The following BICD1 variants were observed in gnomAD, a reference collection of about 807,000 sequenced individuals.
BICD1 encodes the protein protein bicaudal D homolog 1.
A neutral mutation model predicts 92.5 loss-of-function variants in BICD1; 35 were observed. That is an observed-to-expected ratio of 0.38 (90% CI 0.29 to 0.50). The LOEUF (loss-of-function observed/expected upper bound fraction) is 0.50, where lower values mean the gene tolerates loss of function less well. BICD1 is among the 20% of genes least tolerant of loss of function. BICD1 has a pLI of 0.93. For synonymous variants in BICD1, 429 were observed against 465.1 expected, an observed-to-expected ratio of 0.92 and a Z score of 1.00; for missense variants, 950 against 1,189.8, an observed-to-expected ratio of 0.80 and a Z score of 2.97.
At chr12:32,317,230 G>A (rs1376481426) in intron 4 of BICD1, among the ~76,000 whole-genome samples, 1 of 152,176 alleles carries the variant, frequency 6.6e-6, no homozygotes, top group Non-Finnish European at 1.5e-5. Flanking sequence ...CCAGTAATGG[G>A]ATGGCTGGGT....
chr12:32,163,886 T>G (rs1280939219), intron 1 of BICD1, among the ~76,000 whole-genome samples: 1 of 152,222 alleles, frequency 6.6e-6, no homozygotes, highest in African/African-American at 2.4e-5. Flanking sequence ...TTCACATGTG[T>G]AAGAGATGTT....
At chr12:32,124,759 C>T (rs1942269634) in intron 1 of BICD1, among the ~76,000 whole-genome samples, 1 of 151,902 alleles carries the variant, frequency 6.6e-6, no homozygotes, top group African/African-American at 2.4e-5. Flanking sequence ...AGAGGGAAGG[C>T]TGGAGAGAGT....
rs1471868233 is a variant in BICD1 at position 32,381,903 on chromosome 12, T to C, written c.*4276T>C. 1 of 152,128 alleles carries C rather than the reference T, an allele frequency of 6.6e-6. No individual in the cohort carries two copies. The highest frequency in any genetic ancestry group is 2.4e-5 in the African/African-American group (1 of 41,436). 9.4% of individuals were successfully genotyped at this position (152,128 alleles called of 1,614,324 possible). A position where few individuals can be genotyped will look rare whatever the true frequency, so the allele number is the denominator to read the frequency against. ...AGGCTGCAAAAAATGTACAAGAGTA[T>C]GTTTTCAAGTAAAGGGAACATAATT... On this transcript the variant is annotated 3_prime_UTR_variant, in exon 10 of 10. Transcript: ENST00000652176.
intron 1 of BICD1, among the ~76,000 whole-genome samples, chr12:32,196,382 A>C (rs569602520): frequency 6.6e-6 from 1 of 152,334 alleles, no homozygotes; most frequent in South Asian, 2.1e-4. Context: ...GAAACAACCT[A>C]AGTATCTGTC....
intron 2 of BICD1, among the ~76,000 whole-genome samples, chr12:32,286,547 T>C (rs1435857023): frequency 1.3e-5 from 2 of 152,218 alleles, no homozygotes; most frequent in East Asian, 3.8e-4. Flanking sequence ...CACACTATGC[T>C]GCAAGTATTG....
intron 4 of BICD1, among the ~76,000 whole-genome samples, chr12:32,311,759 A>G (rs1948387463): frequency 6.6e-6 from 1 of 152,224 alleles, no homozygotes; most frequent in African/African-American, 2.4e-5. Context: ...TATTGCACTT[A>G]GAAGGGTGCC....
chr12:32,118,648 A>T (rs888592837), intron 1 of BICD1, among the ~76,000 whole-genome samples: 2 of 152,168 alleles, frequency 1.3e-5, no homozygotes, highest in African/African-American at 4.8e-5. Context: ...TTACATGCAA[A>T]TACTACACTA....
At chr12:32,113,673 A>G (rs1046255469) in intron 1 of BICD1, among the ~76,000 whole-genome samples, 1 of 149,952 alleles carries the variant, frequency 6.7e-6, no homozygotes. Context: ...CCTCCCAAGT[A>G]ACTGGGACTA....
At chr12:32,134,643 C>T (rs903233398) in intron 1 of BICD1, among the ~76,000 whole-genome samples, 27 of 152,126 alleles carry the variant, frequency 1.8e-4, no homozygotes, top group Non-Finnish European at 3.4e-4. Context: ...TTTTCAGCAC[C>T]GCGACTCTGT....
At position 32,382,067 on chromosome 12, in the gene BICD1, T is replaced by A. The variant is rs1038763214; in HGVS notation, c.*4440T>A. The A allele has an allele frequency of 1.3e-5, 2 of 152,258 alleles. No individual in the cohort carries two copies. Among genetic ancestry groups the A allele is most frequent in the East Asian group, 3.9e-4 (2 of 5,182 alleles). 9.4% of individuals were successfully genotyped at this position (152,258 alleles called of 1,614,324 possible). On this transcript the variant is annotated 3_prime_UTR_variant, in exon 10 of 10. Transcript: ENST00000652176. The stretch of plus-strand genomic sequence containing the variant: ...TCAATCTAGCTCCCGAGTGACATTT[T>A]CCATTGTCTGTAATAATGCCCTCGG...
intron 2 of BICD1, among the ~76,000 whole-genome samples, chr12:32,278,282 T>C (rs944608516): frequency 1.3e-5 from 2 of 152,184 alleles, no homozygotes; most frequent in Non-Finnish European, 2.9e-5. Context: ...TTCATAGTTA[T>C]AAGAAGATAT....
At chr12:32,255,144 C>T (rs554945820) in intron 2 of BICD1, among the ~76,000 whole-genome samples, 3 of 152,214 alleles carry the variant, frequency 2.0e-5, no homozygotes, top group South Asian at 2.1e-4. Flanking sequence ...TGCATCCTCA[C>T]GTGACTTTTC....
chr12:32,259,362 G>A (rs1946799251), intron 2 of BICD1, among the ~76,000 whole-genome samples: 1 of 152,136 alleles, frequency 6.6e-6, no homozygotes, highest in Non-Finnish European at 1.5e-5. Flanking sequence ...ATAAATAAAG[G>A]ATTATTGGAA....
chr12:32,254,009 A>G (rs981977180), intron 2 of BICD1, among the ~76,000 whole-genome samples: 2 of 147,822 alleles, frequency 1.4e-5, no homozygotes, highest in African/African-American at 5.0e-5. Flanking sequence ...TCATTGCGGT[A>G]TCCCACCTGC....
rs77053794 is a variant in BICD1 at position 32,310,954 on chromosome 12, C to G, written c.1005+4832C>G. ...CTTCTCCTACAAGGCTCAATGTATG[C>G]CCATGATTTATGTTTTCCCATCCAT... On this transcript the variant is annotated intron_variant, in intron 4 of 9. Transcript: ENST00000652176. 6.2e-3 allele frequency among the ~76,000 whole-genome samples: 942 copies of G among 152,206 alleles called. 10 individuals are homozygous for G. The highest frequency in any genetic ancestry group is 0.022 in the African/African-American group (904 of 41,516).
chr12:32,334,541 T>C lies in BICD1; in HGVS notation c.2126T>C (p.Leu709Pro). ...KQTAEVALAN[L>P]KNKYENEKAM... Reference sequence around the variant, plus strand: ...ACAGCTGAGGTGGCGCTAGCTAATCTCAAGAACAAATATGAAAATGAAAAA... The same window carrying C: ...ACAGCTGAGGTGGCGCTAGCTAATCCCAAGAACAAATATGAAAATGAAAAA... Residue 709 changes from leucine (L) to proline (P), a missense_variant, in exon 6 of 10, where the codon CTC becomes CCC. Coordinates refer to ENST00000652176, the MANE Select transcript of BICD1 (RefSeq NM_001714.4). 6.2e-7 allele frequency: 1 copy of C among 1,611,092 alleles called. No homozygotes were observed.
intron 1 of BICD1, among the ~76,000 whole-genome samples, chr12:32,191,488 TC>T (rs752721768): frequency 2.6e-5 from 4 of 151,256 alleles, no homozygotes; most frequent in Non-Finnish European, 5.9e-5. Flanking sequence ...GCAACGTTTT[TC>T]CCGCATGTGC....
Position 32,107,356 on chromosome 12 carries a change from A to T in BICD1, c.25A>T (p.Thr9Ser), listed in dbSNP as rs1404869249. The T allele has an allele frequency of 4.4e-6, 7 of 1,607,826 alleles. No individual in the cohort carries two copies. Among genetic ancestry groups the T allele is most frequent in the African/African-American group, 1.3e-5 (1 of 74,872 alleles). Reference sequence around the variant, plus strand: ...TATGGCCGCAGAAGAGGTATTGCAGACGGTGGACCATTATAAGACTGAGAT... The same window carrying T: ...TATGGCCGCAGAAGAGGTATTGCAGTCGGTGGACCATTATAAGACTGAGAT... MAAEEVLQ[T>S]VDHYKTEIER... Residue 9 changes from threonine (T) to serine (S), a missense_variant, in exon 1 of 10, where the codon ACG (threonine) becomes TCG (serine). Physicochemically the swap from Thr to Ser is moderately conservative, Grantham distance 58 (BLOSUM62 1). Coordinates refer to ENST00000652176, the MANE Select transcript of BICD1 (RefSeq NM_001714.4).
chr12:32,200,372 G>GT (rs1944872318), intron 1 of BICD1, among the ~76,000 whole-genome samples: 1 of 152,196 alleles, frequency 6.6e-6, no homozygotes, highest in South Asian at 2.1e-4. Context: ...CTGGATGATG[G>GT]TTTGCTCTAG....
Sources: allele counts gnomAD v4.1 joint callset (sites outside exome capture counted in the v4.1 genomes callset), GRCh38; gene constraint gnomAD v4.1.1; transcripts MANE v1.5; gene names NCBI Gene and HGNC (gene_info 2026-07-23, HGNC 2026-07-21).